Variants in LRP2 observed in about 807,000 individuals in gnomAD.
LRP2 encodes the protein LDL receptor related protein 2.
In LRP2, 172 loss-of-function variants were observed where a neutral mutation model predicts 531.0. That is an observed-to-expected ratio of 0.32 (90% CI 0.29 to 0.37). The LOEUF is 0.37. Among genes scored for constraint, LRP2 ranks in the 10% least tolerant of loss-of-function variants. The probability of loss-of-function intolerance (pLI) is 1.00; values close to 1 mark genes in which losing one functional copy is unlikely to be tolerated. For missense variants in LRP2, 5,167 were observed against 5,868.3 expected, an observed-to-expected ratio of 0.88 and a Z score of 3.90; for synonymous variants, 1,992 against 2,027.6, an observed-to-expected ratio of 0.98 and a Z score of 0.47.
intron 3 of LRP2, among the ~76,000 whole-genome samples, chr2:169,315,523 G>T (rs1179116677): frequency 1.3e-5 from 2 of 152,128 alleles, no homozygotes; most frequent in South Asian, 2.1e-4. Context: ...GAGACAAAAG[G>T]CTAGGACACA....
chr2:169,350,110 A>G (rs1685807150), intron 1 of LRP2, among the ~76,000 whole-genome samples: 1 of 152,226 alleles, frequency 6.6e-6, no homozygotes, highest in South Asian at 2.1e-4. Flanking sequence ...GATCAAAACA[A>G]TGGGATTTTC....
intron 4 of LRP2, among the ~76,000 whole-genome samples, chr2:169,297,068 C>T (rs1209174577): frequency 1.3e-5 from 2 of 152,116 alleles, no homozygotes; most frequent in African/African-American, 4.8e-5. Context: ...GCACAGAGCT[C>T]CCTAACTCCA....
chr2:169,206,331 T>A lies in LRP2; in HGVS notation c.7389A>T (p.Ser2463=). The stretch of plus-strand genomic sequence containing the variant: ...AAGCAGCACCTGGAGTGCACTTACC[T>A]GAAGCAATGACAGTTGGAGTATGGA... ...SGIHTPTVIA[S]GIGTADGIAF... Residue 2463 remains serine (S), a splice_region_variant and synonymous_variant, in exon 39 of 79, where the codon TCA becomes TCT. Transcript: ENST00000649046. 6.2e-7 allele frequency: 1 copy of A among 1,613,984 alleles called. No homozygotes were observed. The highest frequency in any genetic ancestry group is 8.5e-7 in the Non-Finnish European group (1 of 1,179,952).
At chr2:169,215,018 G>A (rs539436432) in intron 35 of LRP2, among the ~76,000 whole-genome samples, 1 of 152,206 alleles carries the variant, frequency 6.6e-6, no homozygotes, top group Non-Finnish European at 1.5e-5. Flanking sequence ...TAACAAGCAC[G>A]TAGATTTAGA....
intron 36 of LRP2, among the ~76,000 whole-genome samples, chr2:169,213,052 A>G (rs1688654126): frequency 6.6e-6 from 1 of 152,236 alleles, no homozygotes; most frequent in South Asian, 2.1e-4. Context: ...TTGTTTGATC[A>G]TCTTTGGCTG....
intron 3 of LRP2, among the ~76,000 whole-genome samples, chr2:169,318,068 C>A (rs554957751): frequency 6.6e-6 from 1 of 151,740 alleles, no homozygotes; most frequent in East Asian, 1.9e-4. Flanking sequence ...GAGAGTGAGA[C>A]CCTGACTCTA....
intron 15 of LRP2, among the ~76,000 whole-genome samples, chr2:169,271,483 T>G (rs140125042): frequency 0.018 from 2,693 of 152,086 alleles, 77 homozygotes; most frequent in African/African-American, 0.059. Context: ...CTGCACATTG[T>G]GCACATGTAC....
At position 169,241,168 on chromosome 2, in the gene LRP2, G is replaced by T; in HGVS notation, c.3865C>A (p.Leu1289Ile). Residue 1289 changes from leucine to isoleucine, a missense_variant, in exon 25 of 79, where the codon CTC (leucine) becomes ATC (isoleucine). Physicochemically the swap from Leu to Ile is conservative, Grantham distance 5 (BLOSUM62 2). Transcript: ENST00000649046. Reference sequence around the variant, plus strand: ...CCGCAGTCATTGTCCCGATCACAGAGCCATGCCCTGTGGATGCAGTTTCCG... The same window carrying T: ...CCGCAGTCATTGTCCCGATCACAGATCCATGCCCTGTGGATGCAGTTTCCG... ...DNGNCIHRAW[L>I]CDRDNDCGDM... 1 of 1,614,176 alleles carries T rather than the reference G, an allele frequency of 6.2e-7. No individual in the cohort carries two copies. The highest frequency in any genetic ancestry group is 8.5e-7 in the Non-Finnish European group (1 of 1,180,020).
At chr2:169,154,067 C>T (rs774720704) in intron 66 of LRP2, among the ~76,000 whole-genome samples, 6 of 152,142 alleles carry the variant, frequency 3.9e-5, no homozygotes, top group Non-Finnish European at 8.8e-5. Context: ...AATCATAGAA[C>T]TCTGCCAGAA....
Position 169,177,993 on chromosome 2 carries a change from C to T in LRP2, c.10203G>A (p.Thr3401=), listed in dbSNP as rs760898762. 48 of 1,613,890 alleles carry T rather than the reference C, an allele frequency of 3.0e-5. No homozygotes were observed. The Admixed American group carries it at 4.2e-4, about 14-fold the overall frequency. Reference sequence around the variant, plus strand: ...GGTGAGGCAGTGCCCCATCATACACCGTGTGTCGATGGTGGCCCTCCAAAT... The same window carrying T: ...GGTGAGGCAGTGCCCCATCATACACTGTGTGTCGATGGTGGCCCTCCAAAT... ...YSDLEGHHRH[T]VYDGALPHPF... The change falls in exon 53 of 79, where the codon ACG becomes ACA. Residue 3401 remains threonine (T), a synonymous_variant. Transcript: ENST00000649046.
chr2:169,274,892 GT>G (rs1683511740), intron 14 of LRP2, 143 bp downstream of exon 14: 1 of 801,256 alleles, frequency 1.2e-6, no homozygotes, highest in African/African-American at 1.7e-5. Flanking sequence ...GTTTCAGAGA[GT>G]TTAACACTCT....
At chr2:169,133,656 G>A (rs543640943) in intron 76 of LRP2, among the ~76,000 whole-genome samples, 1 of 152,306 alleles carries the variant, frequency 6.6e-6, no homozygotes, top group South Asian at 2.1e-4. Context: ...TGTGACAAAG[G>A]AGATACATGT....
At chr2:169,322,461 T>C (rs926271009) in intron 1 of LRP2, among the ~76,000 whole-genome samples, 1 of 152,106 alleles carries the variant, frequency 6.6e-6, no homozygotes, top group African/African-American at 2.4e-5. Context: ...TGGTGGTTGG[T>C]GGTGCAGGTC....
intron 20 of LRP2, 47 bp downstream of exon 20, chr2:169,247,331 A>G (rs1347502926): frequency 6.2e-7 from 1 of 1,605,490 alleles, no homozygotes; most frequent in Admixed American, 1.7e-5. Context: ...GTAACAAATA[A>G]ATAAACCCAT....
Position 169,206,041 on chromosome 2 carries a change from A to G in LRP2, c.7538T>C (p.Val2513Ala). ...IARVPKPRAI[V>A]LDPCQGYLYW... Reference sequence around the variant, plus strand: ...GGCATACCCTTGGCAGGGATCTAACACAATTGCTCTTGGTTTTGGAACGCG... The same window carrying G: ...GGCATACCCTTGGCAGGGATCTAACGCAATTGCTCTTGGTTTTGGAACGCG... The change falls in exon 40 of 79, where the codon GTG (valine) becomes GCG (alanine). Residue 2513 changes from valine (V) to alanine (A), a missense_variant. By Grantham distance (64) the Val-to-Ala change is moderately conservative (BLOSUM62 0). Transcript: ENST00000649046. 4 of 1,614,236 alleles carry G rather than the reference A, an allele frequency of 2.5e-6. No homozygotes were observed. Among genetic ancestry groups the G allele is most frequent in the Non-Finnish European group, 3.4e-6 (4 of 1,180,038 alleles).
Position 169,174,067 on chromosome 2 carries a change from G to C in LRP2, c.10866C>G (p.Asn3622Lys), listed in dbSNP as rs762041426. The C allele has an allele frequency of 1.9e-6, 3 of 1,614,200 alleles. No homozygotes were observed. The South Asian group carries it at 3.3e-5, about 18-fold the overall frequency. The change falls in exon 56 of 79, where the codon AAC (asparagine) becomes AAG (lysine). Residue 3622 changes from asparagine (N) to lysine (K), a missense_variant. By Grantham distance (94) the Asn-to-Lys change is moderately conservative. Coordinates refer to ENST00000649046, the MANE Select transcript of LRP2 (RefSeq NM_004525.3). ...QCDTFNDCED[N>K]SDEDSSHCAS... is the part of the protein sequence containing the mutation. ...CACAGTGGGAACTGTCTTCATCTGA[G>C]TTATCCTCACAGTCGTTAAATGTGT... is the stretch of plus-strand genomic sequence containing the variant.
At chr2:169,255,269 G>T (rs950313358) in intron 19 of LRP2, among the ~76,000 whole-genome samples, 2 of 152,122 alleles carry the variant, frequency 1.3e-5, no homozygotes, top group Admixed American at 1.3e-4. Context: ...TCTTGGCCTG[G>T]CATTTTTATG....
chr2:169,327,901 G>A (rs867122570), intron 1 of LRP2, among the ~76,000 whole-genome samples: 51 of 74,270 alleles, frequency 6.9e-4, no homozygotes, highest in African/African-American at 1.9e-3. Context: ...TCAGCCCCCC[G>A]CCCGGCCAGC....
At position 169,191,941 on chromosome 2, in the gene LRP2, C is replaced by T. The variant is rs199812411; in HGVS notation, c.8923G>A (p.Asp2975Asn). Residue 2975 changes from aspartate (D) to asparagine (N), a missense_variant, in exon 48 of 79, where the codon GAT becomes AAT. Around this residue, in one of 6 missense-constraint regions of LRP2, gnomAD observed 1,129 missense variants for 1,362.7 expected, o/e 0.83. Transcript: ENST00000649046. Reference sequence around the variant, plus strand: ...TCGTAGCCGTCAGTACAATCCACATCGCCATCACAGACCCAAGACTGGGGA... The same window carrying T: ...TCGTAGCCGTCAGTACAATCCACATTGCCATCACAGACCCAAGACTGGGGA... The part of the protein sequence containing the change: ...CIPQSWVCDG[D>N]VDCTDGYDEN... 1.7e-5 allele frequency: 28 copies of T among 1,614,140 alleles called. No homozygotes were observed. Among genetic ancestry groups the T allele is most frequent in the African/African-American group, 1.3e-4 (10 of 75,034 alleles).
Sources: gnomAD v4.1 joint callset for allele counts (sites outside exome capture counted in the v4.1 genomes callset) on GRCh38, gnomAD v4.1.1 for gene constraint, gnomAD v4.1.1 regional missense constraint, MANE v1.5 for transcripts, NCBI Gene and HGNC (gene_info 2026-07-23, HGNC 2026-07-21) for gene names.